HOMER2: variants seen among roughly 807,000 people sequenced by gnomAD.
The protein encoded by HOMER2 is homer protein homolog 2.
Under a neutral mutation model 47.0 loss-of-function variants are expected in HOMER2, and 27 were observed. The ratio of observed to expected loss-of-function variants is 0.57; its 90% CI spans 0.42 to 0.79. The LOEUF is 0.79. HOMER2 is among the 30% of genes least tolerant of loss of function. The pLI, the probability that HOMER2 is intolerant of heterozygous loss-of-function variation, is 0.00. For missense variants in HOMER2, 443 were observed against 435.0 expected (o/e 1.02, Z -0.16); for synonymous variants, 161 against 163.8 (o/e 0.98, Z 0.13).
rs1441112228 is a variant in HOMER2, at chr15:82,882,890, T to C, written c.163-7486A>G. Among the ~76,000 whole-genome samples the C allele has an allele frequency of 1.1e-4, 3 of 27,426 alleles. 1 individual carries two copies. Among genetic ancestry groups the C allele is most frequent in the African/African-American group, 3.4e-4 (2 of 5,946 alleles). 18.0% of individuals were successfully genotyped at this position (27,426 alleles called of 152,430 possible). On this transcript the variant is annotated intron_variant, in intron 2 of 8. Transcript: ENST00000450735. ...TCTACACCAGCCACTGCTTTTTTTT[T>C]TTTTTTTTTTTTTTTTATTATACTC...
chr15:82,936,746 TA>T (rs996855666), intron 1 of HOMER2, among the ~76,000 whole-genome samples: 1 of 151,054 alleles, frequency 6.6e-6, no homozygotes, highest in East Asian at 1.9e-4. Flanking sequence ...CTAATTTTTG[TA>T]TTTTTTTTTT....
At chr15:82,922,857 C>T (rs1010240163) in intron 1 of HOMER2, among the ~76,000 whole-genome samples, 1 of 152,200 alleles carries the variant, frequency 6.6e-6, no homozygotes, top group Non-Finnish European at 1.5e-5. Flanking sequence ...CTGCTCACCC[C>T]ATACCTGTGC....
chr15:82,854,782 C>T lies in HOMER2; in HGVS notation c.513G>A (p.Lys171=), dbSNP rs757508788. 1.2e-6 allele frequency: 2 copies of T among 1,610,120 alleles called. No individual in the cohort carries two copies. Among genetic ancestry groups the T allele is most frequent in the Admixed American group, 3.3e-5 (2 of 59,994 alleles). ...GAAGGGTCTGCAGCTCGATCTCCCA[C>T]TTCTTCACGTTGGCTGCGCTGCAGG... is the stretch of plus-strand genomic sequence containing the variant. The part of the protein sequence containing the change: ...ALTQSAANVK[K]WEIELQTLRE... Residue 171 remains lysine (K), a synonymous_variant, in exon 6 of 9, where the codon AAG becomes AAA. Transcript: ENST00000450735.
intron 1 of HOMER2, among the ~76,000 whole-genome samples, chr15:82,920,904 A>C (rs1370597620): frequency 6.6e-6 from 1 of 151,450 alleles, no homozygotes; most frequent in Non-Finnish European, 1.5e-5. Context: ...GCTAGATTCA[A>C]ATTCTTGGGC....
intron 3 of HOMER2, among the ~76,000 whole-genome samples, chr15:82,873,286 T>C (rs1279566183): frequency 6.6e-6 from 1 of 152,112 alleles, no homozygotes; most frequent in Non-Finnish European, 1.5e-5. Flanking sequence ...TGATTTATCA[T>C]CACCAGAATA....
chr15:82,894,285 T>C lies in HOMER2; in HGVS notation c.6-1444A>G, dbSNP rs190738644. On this transcript the variant is annotated intron_variant, in intron 1 of 8. Coordinates refer to ENST00000450735, the MANE Select transcript of HOMER2 (RefSeq NM_004839.4). ...ACTGCATTTTGTATTCTAAGCTATCTACTTCCCAAAGTAATGCAAAATGGC... is the reference window on the plus strand; with the variant it reads ...ACTGCATTTTGTATTCTAAGCTATCCACTTCCCAAAGTAATGCAAAATGGC... 1.1e-3 allele frequency among the ~76,000 whole-genome samples: 174 copies of C among 152,344 alleles called. 2 individuals carry two copies. The highest frequency in any genetic ancestry group is 4.1e-3 in the African/African-American group (171 of 41,578).
chr15:82,954,490 G>C (rs1484250707), upstream of HOMER2, among the ~76,000 whole-genome samples: 2 of 147,846 alleles, frequency 1.4e-5, no homozygotes, highest in African/African-American at 5.0e-5. Flanking sequence ...TTTTAGTAGA[G>C]ACAGGGTTTC....
chr15:82,837,532 T>TGACGCAGGAACAGC, exon 2 of HOMER2: 1 of 152,180 alleles, frequency 6.6e-6, no homozygotes, highest in Non-Finnish European at 1.5e-5. Context: ...AGTGGGCTGG[T>TGACGCAGGAACAGC]GACGCAGGAA....
intron 1 of HOMER2, 78 bp downstream of exon 1, chr15:82,952,453 G>A (rs2054528138): frequency 9.5e-7 from 1 of 1,048,250 alleles, no homozygotes; most frequent in Non-Finnish European, 1.2e-6. Flanking sequence ...GGGAGGCTCC[G>A]AGCCCGGTTA....
At chr15:82,857,268 C>T (rs1053960601) in intron 5 of HOMER2, among the ~76,000 whole-genome samples, 3 of 152,084 alleles carry the variant, frequency 2.0e-5, no homozygotes, top group Admixed American at 2.0e-4. Flanking sequence ...AACCAGGAAG[C>T]AGGCCCTCAC....
At chr15:82,890,463 TGTAA>T (rs2052668703) in intron 2 of HOMER2, among the ~76,000 whole-genome samples, 2 of 152,198 alleles carry the variant, frequency 1.3e-5, no homozygotes, top group South Asian at 2.1e-4. Flanking sequence ...ATTCCCAGCC[TGTAA>T]GTGAGTCTAT....
intron 1 of HOMER2, among the ~76,000 whole-genome samples, chr15:82,962,519 A>T (rs552962963): frequency 3.9e-4 from 60 of 152,146 alleles, no homozygotes; most frequent in Non-Finnish European, 6.6e-4. Flanking sequence ...TCTACTAAAA[A>T]TATAAAAATT....
In HOMER2 at chr15:82,917,400, ACAGCTGCCCT is replaced by A. The variant is rs2053618614; in HGVS notation, c.6-24569_6-24560del. Among the ~76,000 whole-genome samples, 3 of 152,240 alleles carry A rather than the reference ACAGCTGCCCT, an allele frequency of 2.0e-5. No homozygotes were observed. In the South Asian group the frequency reaches 6.2e-4, roughly 32 times the overall value. ...CCAGCTAGAGCAGGCTGAGAGCAGA[ACAGCTGCCCT>A]TTATCTTGGGGAAATAGCACAGGCA... On this transcript the variant is annotated intron_variant, in intron 1 of 8. Transcript: ENST00000450735.
At chr15:82,970,749 GA>G (rs901296249) in intron 1 of HOMER2, among the ~76,000 whole-genome samples, 12 of 152,036 alleles carry the variant, frequency 7.9e-5, no homozygotes, top group Admixed American at 2.0e-4. Context: ...AGCTGTGTAA[GA>G]AAAAAAATGG....
intron 3 of HOMER2, among the ~76,000 whole-genome samples, chr15:82,870,660 T>C (rs533658828): frequency 3.9e-5 from 6 of 152,230 alleles, no homozygotes; most frequent in African/African-American, 1.4e-4. Flanking sequence ...ATTATTAATA[T>C]CCTCCATTTT....
rs56063630 is a variant in HOMER2, at chr15:82,860,956, T to TGAGAGAGAGA, written c.388-1831_388-1822dup. Among the ~76,000 whole-genome samples, 36 of 42,412 alleles carry TGAGAGAGAGA rather than the reference T, an allele frequency of 8.5e-4. 1 individual carries two copies. Among genetic ancestry groups the TGAGAGAGAGA allele is most frequent in the African/African-American group, 1.6e-3 (20 of 12,130 alleles). The allele number at this position is 42,412 out of a possible 152,430, so 27.8% of individuals were successfully genotyped here. A position where few individuals can be genotyped will look rare whatever the true frequency, so the allele number is the denominator to read the frequency against. ...TGTCTCAAAGATAGAAGATAGAAGA[T>TGAGAGAGAGA]GAGAGAGAGAGAGAGAGAGAGAGAG... is the stretch of plus-strand genomic sequence containing the variant. On this transcript the variant is annotated intron_variant, in intron 4 of 8. Transcript: ENST00000450735.
At chr15:82,947,541 A>G (rs1292583990) in intron 1 of HOMER2, among the ~76,000 whole-genome samples, 2 of 152,238 alleles carry the variant, frequency 1.3e-5, no homozygotes, top group Non-Finnish European at 2.9e-5. Context: ...AGTCTTTTGC[A>G]GGAGAGTAAA....
chr15:82,941,876 T>C (rs1410383076), intron 1 of HOMER2, among the ~76,000 whole-genome samples: 1 of 152,166 alleles, frequency 6.6e-6, no homozygotes, highest in Non-Finnish European at 1.5e-5. Context: ...ATTGGTATAA[T>C]ACTATTATTA....
rs1220298711 is a variant in HOMER2, at chr15:82,934,633, T to C, written c.5+17898A>G. 5.3e-5 allele frequency among the ~76,000 whole-genome samples: 8 copies of C among 152,286 alleles called. No individual in the cohort carries two copies. The South Asian group carries it at 1.7e-3, about 32-fold the overall frequency. On this transcript the variant is annotated intron_variant, in intron 1 of 8. Coordinates refer to ENST00000450735, the MANE Select transcript of HOMER2 (RefSeq NM_004839.4). ...CCCATGTCCATCCCATGGTCTCTCA[T>C]GGTTACCAATCCCCGGTGGATCCTG...
Sources: allele counts gnomAD v4.1 joint callset (sites outside exome capture counted in the v4.1 genomes callset), GRCh38; gene constraint gnomAD v4.1.1; transcripts MANE v1.5; gene names NCBI Gene and HGNC (gene_info 2026-07-23, HGNC 2026-07-21).